The following TTLL12 variants were observed in gnomAD, a reference collection of about 807,000 sequenced individuals.
The protein encoded by TTLL12 is tubulin--tyrosine ligase-like protein 12.
TTLL12 carries 77 observed loss-of-function variants against 79.6 expected under a neutral mutation model. That is an observed-to-expected ratio of 0.97 (90% CI 0.81 to 1.17). TTLL12 has a LOEUF of 1.17. Ranked by LOEUF, TTLL12 falls within the 50% of genes most tolerant of loss-of-function variation. The probability of loss-of-function intolerance (pLI) is 0.00; values close to 1 mark genes in which losing one functional copy is unlikely to be tolerated. For missense variants in TTLL12, 969 were observed against 895.9 expected, an observed-to-expected ratio of 1.08 and a Z score of -1.04; for synonymous variants, 437 against 376.1, an observed-to-expected ratio of 1.16 and a Z score of -1.87.
intron 2 of TTLL12, among the ~76,000 whole-genome samples, chr22:43,182,044 C>CAGAAAGGCCCGGAAGCAGAA: frequency 4.7e-5 from 7 of 149,068 alleles, no homozygotes; most frequent in Non-Finnish European, 7.4e-5. Flanking sequence ...GGCCCGGAAG[C>CAGAAAGGCCCGGAAGCAGAA]AGGTGGGGCT....
At chr22:43,172,348 C>A in intron 10 of TTLL12, 55 bp downstream of exon 10, 1 of 1,599,360 alleles carries the variant, frequency 6.3e-7, no homozygotes, top group East Asian at 2.2e-5. Context: ...CCACCCGCTA[C>A]CTCCACCCGG....
chr22:43,176,602 T>C (rs1336342497), intron 5 of TTLL12, among the ~76,000 whole-genome samples: 1 of 151,732 alleles, frequency 6.6e-6, no homozygotes, highest in Non-Finnish European at 1.5e-5. Flanking sequence ...TGGTGGCGCG[T>C]GCCTGTAATT....
At chr22:43,175,270 C>A (rs768772369) in intron 6 of TTLL12, 1 of 152,342 alleles carries the variant, frequency 6.6e-6, no homozygotes, top group Non-Finnish European at 1.5e-5. Flanking sequence ...TGGGTCCTCA[C>A]CTGTGCCTGC....
chr22:43,176,458 G>A, intron 5 of TTLL12, 62 bp from the exon 6 acceptor site: 4 of 1,365,838 alleles, frequency 2.9e-6, no homozygotes, highest in Non-Finnish European at 3.1e-6. Flanking sequence ...GGCCGGCCGT[G>A]GTGGCTCATG....
rs1317593869 is a variant in TTLL12 at position 43,168,921 on chromosome 22, C to T, written c.1645-9G>A. The stretch of plus-strand genomic sequence containing the variant: ...GCCCGGAAGATCTCAGCCTGGGGAC[C>T]GGGGAGCCTGAGTTACGAGGCCTGC... On this transcript the variant is annotated splice_polypyrimidine_tract_variant and intron_variant, in intron 12 of 13. Transcript: ENST00000216129. 6.8e-6 allele frequency: 11 copies of T among 1,606,530 alleles called. No homozygotes were observed. The highest frequency in any genetic ancestry group is 1.7e-5 in the Admixed American group (1 of 59,630).
At position 43,167,988 on chromosome 22, in the gene TTLL12, G is replaced by A; in HGVS notation, c.*20C>T. ...GGTTGGAATCCTGCCCCAAGCACAGGTTTTGGGGACAGCGAGTGCCTAGAC... is the reference window on the plus strand; with the variant it reads ...GGTTGGAATCCTGCCCCAAGCACAGATTTTGGGGACAGCGAGTGCCTAGAC... On this transcript the variant is annotated 3_prime_UTR_variant, in exon 14 of 14. Coordinates refer to ENST00000216129, the MANE Select transcript of TTLL12 (RefSeq NM_015140.4). 1 of 1,611,192 alleles carries A rather than the reference G, an allele frequency of 6.2e-7. No homozygotes were observed. Among genetic ancestry groups the A allele is most frequent in the Non-Finnish European group, 8.5e-7 (1 of 1,178,014 alleles).
Position 43,178,482 on chromosome 22 carries a change from C to T in TTLL12, c.840+1137G>A, listed in dbSNP as rs529286030. ...GACTACAGGTGCCCGCCACCACGCC[C>T]AGCTAATTTTTTATATTTTTAGTAG... On this transcript the variant is annotated intron_variant, in intron 5 of 13. Transcript: ENST00000216129. 9.2e-5 allele frequency among the ~76,000 whole-genome samples: 14 copies of T among 152,252 alleles called. 1 individual carries two copies. In the South Asian group the frequency reaches 2.9e-3, roughly 32 times the overall value.
rs948514520 is a variant in TTLL12 at position 43,166,901 on chromosome 22, C to A, written c.*1107G>T. ...CTACACCTAGCCCTGCCCTCCCATG[C>A]ACTGGAAGGCTCTGGAAGTAGCTCT... On this transcript the variant is annotated 3_prime_UTR_variant, in exon 14 of 14. Transcript: ENST00000216129. The A allele has an allele frequency of 1.1e-5, 3 of 271,140 alleles. No individual in the cohort carries two copies. Among genetic ancestry groups the A allele is most frequent in the Non-Finnish European group, 2.2e-5 (3 of 138,602 alleles). The allele number at this position is 271,140 out of a possible 1,614,324, so 16.8% of individuals were successfully genotyped here. A position where few individuals can be genotyped will look rare whatever the true frequency, so the allele number is the denominator to read the frequency against.
intron 2 of TTLL12, 91 bp from the exon 3 acceptor site, chr22:43,181,031 C>A: frequency 7.1e-7 from 1 of 1,412,530 alleles, no homozygotes; most frequent in South Asian, 1.3e-5. Context: ...GTGTTGGGAC[C>A]AGGGCCCAAG....
intron 13 of TTLL12, 62 bp downstream of exon 13, chr22:43,168,712 G>GTGGC (rs1931682108): frequency 2.6e-6 from 4 of 1,539,732 alleles, no homozygotes; most frequent in Non-Finnish European, 2.6e-6. Flanking sequence ...TCTCCAGGCT[G>GTGGC]TGGCTGGCTG....
rs905164947 is a variant in TTLL12, at chr22:43,167,617, G to A, written c.*391C>T. The A allele has an allele frequency of 2.6e-5, 5 of 190,108 alleles. No homozygotes were observed. The highest frequency in any genetic ancestry group is 1.0e-4 in the South Asian group (1 of 9,988). 11.8% of individuals were successfully genotyped at this position (190,108 alleles called of 1,614,324 possible). On this transcript the variant is annotated 3_prime_UTR_variant, in exon 14 of 14. Coordinates refer to ENST00000216129, the MANE Select transcript of TTLL12 (RefSeq NM_015140.4). ...CGCTTCCCGGTGGAACCCTGCTCCC[G>A]AGGACACCTTGTCTCGCTCCACGGA...
intron 12 of TTLL12, 141 bp downstream of exon 12, chr22:43,169,359 C>T (rs1931703576): frequency 2.7e-6 from 2 of 732,800 alleles, no homozygotes. Flanking sequence ...GTCTTGCCAG[C>T]CTCTGGGGAG....
Position 43,187,097 on chromosome 22 carries a change from G to C in TTLL12, c.-28C>G. Reference sequence around the variant, plus strand: ...CGCCAGCACCCGCGCCGACTCCAGCGCCGCCACCGCCGCCGCCGCCCGCCG... The same window carrying C: ...CGCCAGCACCCGCGCCGACTCCAGCCCCGCCACCGCCGCCGCCGCCCGCCG... On this transcript the variant is annotated 5_prime_UTR_variant, in exon 1 of 14. Coordinates refer to ENST00000216129, the MANE Select transcript of TTLL12 (RefSeq NM_015140.4). 2 of 1,084,476 alleles carry C rather than the reference G, an allele frequency of 1.8e-6. No individual in the cohort carries two copies. Among genetic ancestry groups the C allele is most frequent in the Non-Finnish European group, 2.2e-6 (2 of 896,668 alleles). 67.2% of individuals were successfully genotyped at this position (1,084,476 alleles called of 1,614,324 possible).
intron 5 of TTLL12, among the ~76,000 whole-genome samples, chr22:43,177,733 G>A (rs1318706238): frequency 2.0e-5 from 3 of 152,230 alleles, no homozygotes; most frequent in South Asian, 2.1e-4. Context: ...ACAGCCCGAC[G>A]GGCGGCCTGT....
At chr22:43,169,328 G>A (rs1931702431) in intron 12 of TTLL12, among the ~76,000 whole-genome samples, 172 bp downstream of exon 12, 1 of 152,206 alleles carries the variant, frequency 6.6e-6, no homozygotes, top group Non-Finnish European at 1.5e-5. Context: ...GCCCAGGGTG[G>A]AAGGGAGGGG....
chr22:43,176,339 G>C lies in TTLL12; in HGVS notation c.898C>G (p.Pro300Ala). Residue 300 changes from proline (P) to alanine (A), a missense_variant, in exon 6 of 14, where the codon CCC becomes GCC. By Grantham distance (27) the Pro-to-Ala change is conservative. Transcript: ENST00000216129. ...ACGCACTTGAAGATGTGGCCGTGGG[G>C]GTGCACCACGGGGTTGATGTCAAGT... ...LPLDINPVVH[P>A]HGHIFKVYTD... 6.2e-7 allele frequency: 1 copy of C among 1,602,258 alleles called. No homozygotes were observed. The highest frequency in any genetic ancestry group is 8.5e-7 in the Non-Finnish European group (1 of 1,175,750).
intron 5 of TTLL12, 37 bp from the exon 6 acceptor site, chr22:43,176,433 A>T: frequency 6.4e-7 from 1 of 1,560,522 alleles, no homozygotes; most frequent in Non-Finnish European, 8.7e-7. Flanking sequence ...GATGAGGTCA[A>T]GGAAGGGAGG....
At chr22:43,184,294 G>A (rs767624964) in intron 1 of TTLL12, among the ~76,000 whole-genome samples, 2 of 152,262 alleles carry the variant, frequency 1.3e-5, no homozygotes, top group African/African-American at 2.4e-5. Flanking sequence ...GCACTGGGCA[G>A]GACTTGCCCT....
intron 1 of TTLL12, chr22:43,185,865 A>G (rs1932170548): frequency 1.9e-5 from 14 of 749,300 alleles, no homozygotes; most frequent in Non-Finnish European, 2.3e-5. Context: ...CACCCAGCAC[A>G]GGCCTGGGAC....
Sources: allele counts gnomAD v4.1 joint callset (sites outside exome capture counted in the v4.1 genomes callset), GRCh38; gene constraint gnomAD v4.1.1; transcripts MANE v1.5; gene names NCBI Gene and HGNC (gene_info 2026-07-23, HGNC 2026-07-21).